Variants in PLD5 observed in about 807,000 individuals in gnomAD.
PLD5 encodes the protein phospholipase D family member 5, also known as inactive phospholipase D5.
Under a neutral mutation model 61.1 loss-of-function variants are expected in PLD5, and 36 were observed. The ratio of observed to expected loss-of-function variants is 0.59; its 90% CI spans 0.45 to 0.78. The LOEUF is 0.78. PLD5 is among the 30% of genes least tolerant of loss of function. PLD5 has a pLI of 0.00. For synonymous variants in PLD5, 243 were observed against 242.8 expected (o/e 1.00, Z -0.01); for missense variants, 515 against 644.4 (o/e 0.80, Z 2.17).
intron 4 of PLD5, among the ~76,000 whole-genome samples, chr1:242,233,100 G>T (rs190614366): frequency 1.0e-3 from 159 of 152,286 alleles, no homozygotes; most frequent in Admixed American, 4.4e-3. Context: ...GTTGCAGTGA[G>T]CTGAGATTGT....
intron 4 of PLD5, among the ~76,000 whole-genome samples, chr1:242,241,567 G>C (rs949984412): frequency 1.3e-5 from 2 of 152,006 alleles, no homozygotes; most frequent in Admixed American, 1.3e-4. Context: ...TGACAAATAA[G>C]GTGGTATGCC....
intron 1 of PLD5, among the ~76,000 whole-genome samples, chr1:242,515,493 G>A (rs974371498): frequency 4.6e-5 from 7 of 152,156 alleles, no homozygotes; most frequent in Admixed American, 6.5e-5. Context: ...GATTACAGGC[G>A]TGTGCCACCA....
intron 1 of PLD5, among the ~76,000 whole-genome samples, chr1:242,392,309 C>T (rs746250018): frequency 1.9e-4 from 29 of 152,078 alleles, no homozygotes; most frequent in Non-Finnish European, 3.2e-4. Flanking sequence ...TGGAGTACTA[C>T]GTTCACTACC....
At chr1:242,437,849 C>T (rs558774236) in intron 1 of PLD5, among the ~76,000 whole-genome samples, 2 of 152,260 alleles carry the variant, frequency 1.3e-5, no homozygotes, top group African/African-American at 2.4e-5. Flanking sequence ...AGTTAAGAAA[C>T]GGGCCCAAGA....
intron 2 of PLD5, among the ~76,000 whole-genome samples, chr1:242,308,222 A>G (rs1424707589): frequency 1.3e-5 from 2 of 152,134 alleles, no homozygotes; most frequent in African/African-American, 2.4e-5. Flanking sequence ...TCTCATTACA[A>G]CTAGTCTATG....
At chr1:242,207,497 TG>T (rs1669395118) in intron 5 of PLD5, among the ~76,000 whole-genome samples, 2 of 152,080 alleles carry the variant, frequency 1.3e-5, no homozygotes, top group Non-Finnish European at 2.9e-5. Flanking sequence ...ACAACTGGGA[TG>T]CTTTGCTCCT....
At chr1:242,472,608 C>G (rs1667477757) in intron 1 of PLD5, among the ~76,000 whole-genome samples, 1 of 152,214 alleles carries the variant, frequency 6.6e-6, no homozygotes, top group Non-Finnish European at 1.5e-5. Flanking sequence ...ACTTGATATT[C>G]TCAATTATGA....
intron 3 of PLD5, among the ~76,000 whole-genome samples, chr1:242,269,121 G>A (rs1673894543): frequency 6.6e-6 from 1 of 152,096 alleles, no homozygotes; most frequent in Non-Finnish European, 1.5e-5. Flanking sequence ...GGGATTATAG[G>A]CATGAGCCAC....
intron 5 of PLD5, among the ~76,000 whole-genome samples, chr1:242,195,742 A>G (rs4130780): frequency 0.32 from 48,456 of 152,034 alleles, 7,940 homozygotes; most frequent in African/African-American, 0.34. Flanking sequence ...AATTCAGGAA[A>G]ATCTGCCTTC....
At chr1:242,518,877 G>A (rs929922554) in intron 1 of PLD5, among the ~76,000 whole-genome samples, 1 of 152,190 alleles carries the variant, frequency 6.6e-6, no homozygotes, top group Non-Finnish European at 1.5e-5. Flanking sequence ...TTAGTGGGTA[G>A]ATATATGTCG....
intron 1 of PLD5, among the ~76,000 whole-genome samples, chr1:242,413,435 A>G (rs1187033418): frequency 2.0e-5 from 3 of 152,130 alleles, no homozygotes; most frequent in African/African-American, 7.2e-5. Flanking sequence ...TTCACAGACT[A>G]GCAGGGGGAC....
At chr1:242,207,713 T>C (rs1669412646) in intron 5 of PLD5, among the ~76,000 whole-genome samples, 1 of 144,246 alleles carries the variant, frequency 6.9e-6, no homozygotes. Context: ...AATTTCTTCA[T>C]CCATCTTTTA....
intron 3 of PLD5, among the ~76,000 whole-genome samples, chr1:242,267,872 C>A (rs1468912469): frequency 6.9e-6 from 1 of 145,978 alleles, no homozygotes; most frequent in Non-Finnish European, 1.5e-5. Flanking sequence ...CACAGCTAGA[C>A]CCCATCTCCA....
rs546575900 is a variant in PLD5, at chr1:242,448,409, G to A, written c.189+75679C>T. Among the ~76,000 whole-genome samples the A allele has an allele frequency of 8.3e-4, 126 of 152,278 alleles. 2 individuals carry two copies. Among genetic ancestry groups the A allele is most frequent in the South Asian group, 1.7e-3 (8 of 4,824 alleles). ...AAAAATCATTTCCCACACATCAGCT[G>A]TGCAGTCAAATAAGTATATTTCAGG... On this transcript the variant is annotated intron_variant, in intron 1 of 9. Transcript: ENST00000536534.
chr1:242,502,690 C>CGTGT (rs146663077), intron 1 of PLD5, among the ~76,000 whole-genome samples: 1 of 151,058 alleles, frequency 6.6e-6, no homozygotes. Flanking sequence ...TGTGTATGTG[C>CGTGT]GTGTGTGTGT....
At chr1:242,302,745 A>G (rs1281227859) in intron 2 of PLD5, among the ~76,000 whole-genome samples, 2 of 152,326 alleles carry the variant, frequency 1.3e-5, no homozygotes, top group Non-Finnish European at 2.9e-5. Context: ...ATTAAACTTC[A>G]AAAATGAGAG....
chr1:242,473,964 T>G (rs10926749), intron 1 of PLD5, among the ~76,000 whole-genome samples: 28,089 of 152,064 alleles, frequency 0.18, 3,173 homozygotes, highest in Non-Finnish European at 0.25. Context: ...GGAGTGCAAT[T>G]GCCTGTAAAT....
At chr1:242,425,639 C>CT (rs35709516) in intron 1 of PLD5, among the ~76,000 whole-genome samples, 6,278 of 129,878 alleles carry the variant, frequency 0.048, 310 homozygotes, top group African/African-American at 0.075. Flanking sequence ...CTTACTGTAA[C>CT]TTTTTTTTTT....
In PLD5 at chr1:242,086,926, T is replaced by G. The variant is rs1659503620; in HGVS notation, c.*2928A>C. ...TGGACATCCACCAGAGGGTGTCAAA[T>G]TAACCTGTTTTTGTTTTGCATTCTT... is the stretch of plus-strand genomic sequence containing the variant. On this transcript the variant is annotated 3_prime_UTR_variant, in exon 10 of 10. Coordinates refer to ENST00000536534, the MANE Select transcript of PLD5 (RefSeq NM_001372062.1). 6.6e-6 allele frequency: 1 copy of G among 152,102 alleles called. No individual in the cohort carries two copies. 9.4% of individuals were successfully genotyped at this position (152,102 alleles called of 1,614,324 possible).
Sources: allele counts gnomAD v4.1 joint callset (sites outside exome capture counted in the v4.1 genomes callset), GRCh38; gene constraint gnomAD v4.1.1; transcripts MANE v1.5; gene names NCBI Gene and HGNC (gene_info 2026-07-23, HGNC 2026-07-21).